The following MAP3K15 variants were observed in gnomAD, a reference collection of about 807,000 sequenced individuals.
MAP3K15 encodes MAPK/ERK kinase kinase 15.
In MAP3K15, 124 loss-of-function variants were observed where a neutral mutation model predicts 99.5. The ratio of observed to expected loss-of-function variants is 1.25; its 90% CI spans 1.08 to 1.45. The LOEUF (loss-of-function observed/expected upper bound fraction) is 1.45. Ranked by LOEUF, MAP3K15 falls within the 40% of genes most tolerant of loss-of-function variation. The pLI is 0.00. For missense variants in MAP3K15, 1,242 were observed against 1,079.7 expected, an observed-to-expected ratio of 1.15 and a Z score of -2.11; for synonymous variants, 494 against 439.6, an observed-to-expected ratio of 1.12 and a Z score of -1.55.
chrX:19,453,816 A>G (rs761979176), intron 6 of MAP3K15, among the ~76,000 whole-genome samples: 10 of 112,321 alleles, frequency 8.9e-5, no homozygotes, highest in African/African-American at 3.2e-4. Flanking sequence ...AACATGTCAT[A>G]AAGAATGCTA....
intron 3 of MAP3K15, among the ~76,000 whole-genome samples, chrX:19,475,068 TATTAC>T (rs1369510149): frequency 9.0e-6 from 1 of 110,548 alleles, no homozygotes; most frequent in Non-Finnish European, 1.9e-5. Context: ...TTTCTATTAT[TATTAC>T]ATTATAATAT....
Position 19,392,432 on chromosome X carries a change from T to G in MAP3K15, c.2236A>C (p.Lys746Gln). 7 of 1,210,984 alleles carry G rather than the reference T, an allele frequency of 5.8e-6. No individual in the cohort carries two copies. Among genetic ancestry groups the G allele is most frequent in the Non-Finnish European group, 7.8e-6 (7 of 894,953 alleles). The change falls in exon 17 of 29, where the codon AAG becomes CAG. Residue 746 changes from lysine to glutamine, a missense_variant. Lys to Gln is a moderately conservative substitution (Grantham distance 53). Transcript: ENST00000338883. ...GTGTAAAACTTGATTGTCGGTTCCT[T>G]CATCGGCCCCCATTTGGATCGCAGA... ...ALLRSKWGPM[K>Q]EPTIKFYTKQ...
chrX:19,414,025 G>T (rs1289424809), intron 10 of MAP3K15, among the ~76,000 whole-genome samples: 1 of 109,317 alleles, frequency 9.1e-6, no homozygotes, highest in Non-Finnish European at 1.9e-5. Flanking sequence ...GATGGGTGTG[G>T]TGGTATACAC....
At chrX:19,425,493 A>G (rs1896403547) in intron 9 of MAP3K15, 38 bp downstream of exon 9, 2 of 1,143,535 alleles carry the variant, frequency 1.7e-6, no homozygotes, top group Non-Finnish European at 2.3e-6. Flanking sequence ...AAGATCATGT[A>G]TTGAGATGGG....
chrX:19,490,331 G>A (rs1310198019), intron 1 of MAP3K15, among the ~76,000 whole-genome samples: 2 of 111,284 alleles, frequency 1.8e-5, no homozygotes, highest in African/African-American at 3.3e-5. Context: ...CAGTTCATAC[G>A]TTTTCGCTTC....
At chrX:19,450,690 C>T (rs2064030420) in intron 6 of MAP3K15, among the ~76,000 whole-genome samples, 1 of 108,495 alleles carries the variant, frequency 9.2e-6, no homozygotes, top group Non-Finnish European at 1.9e-5. Context: ...TCTACTGACA[C>T]ATAAATAAGT....
intron 25 of MAP3K15, among the ~76,000 whole-genome samples, chrX:19,367,531 T>TA (rs201378713): frequency 0.024 from 2,118 of 87,205 alleles, 29 homozygotes; most frequent in African/African-American, 0.14. Flanking sequence ...CTGGGTCTTT[T>TA]AAAAAAAGAA....
At chrX:19,487,133 G>T (rs191544846) in intron 2 of MAP3K15, among the ~76,000 whole-genome samples, 4 of 84,565 alleles carry the variant, frequency 4.7e-5, no homozygotes, top group South Asian at 8.6e-4. Flanking sequence ...TGGGGGTGGG[G>T]GGGGGGAAGG....
chrX:19,390,828 C>T (rs1252878656), intron 18 of MAP3K15, among the ~76,000 whole-genome samples: 3 of 109,893 alleles, frequency 2.7e-5, no homozygotes, highest in Non-Finnish European at 5.7e-5. Context: ...GCCACTATAC[C>T]AGGCCCCAGC....
intron 6 of MAP3K15, among the ~76,000 whole-genome samples, chrX:19,456,030 A>G (rs2064090423): frequency 9.0e-6 from 1 of 111,473 alleles, no homozygotes; most frequent in Non-Finnish European, 1.9e-5. Context: ...CTGGGTTTAA[A>G]GGCTGCTGGG....
intron 24 of MAP3K15, among the ~76,000 whole-genome samples, chrX:19,369,642 C>T (rs752770790): frequency 4.2e-4 from 46 of 110,595 alleles, no homozygotes; most frequent in Non-Finnish European, 7.2e-4. Context: ...CAGGTCCAGG[C>T]GCAGTGGCTC....
intron 9 of MAP3K15, among the ~76,000 whole-genome samples, 175 bp downstream of exon 9, chrX:19,425,356 G>C (rs181041650): frequency 8.9e-6 from 1 of 111,812 alleles, no homozygotes. Context: ...ATTCTGTGTG[G>C]ATCTGTCTTT....
intron 3 of MAP3K15, among the ~76,000 whole-genome samples, chrX:19,467,707 C>T (rs1602332837): frequency 8.0e-5 from 1 of 12,537 alleles, no homozygotes; most frequent in African/African-American, 1.0e-4. Context: ...GCAGAGGTTG[C>T]AGTGAAACCT....
intron 1 of MAP3K15, among the ~76,000 whole-genome samples, chrX:19,493,346 CAAAAAA>C (rs755083263): frequency 2.0e-5 from 1 of 49,197 alleles, no homozygotes; most frequent in African/African-American, 7.5e-5. Flanking sequence ...TACTGCTACT[CAAAAAA>C]AAAAAAAAAA....
Position 19,380,168 on chromosome X carries a change from G to T in MAP3K15, c.2541C>A (p.Ser847Arg). 8.3e-7 allele frequency: 1 copy of T among 1,203,198 alleles called. No individual in the cohort carries two copies. Among genetic ancestry groups the T allele is most frequent in the East Asian group, 3.0e-5 (1 of 33,534 alleles). The change falls in exon 19 of 29, where the codon AGC (serine) becomes AGA (arginine). Residue 847 changes from serine (S) to arginine (R), a missense_variant. Physicochemically the swap from Ser to Arg is moderately radical, Grantham distance 110. Coordinates refer to ENST00000338883, the MANE Select transcript of MAP3K15 (RefSeq NM_001001671.4). ...CACCAAGCTCATGGAACGGAGGCTT[G>T]CTGGTGGCCATCTCAATGATGGTGC... Reference protein sequence around the residue: ...LGCTIIEMATSKPPFHELGEP... With the variant: ...LGCTIIEMATRKPPFHELGEP...
intron 1 of MAP3K15, among the ~76,000 whole-genome samples, chrX:19,501,803 T>C (rs2064442513): frequency 8.9e-6 from 1 of 112,293 alleles, no homozygotes; most frequent in Non-Finnish European, 1.9e-5. Context: ...CGGTGCCTTA[T>C]GCCTGCAATC....
intron 1 of MAP3K15, among the ~76,000 whole-genome samples, chrX:19,510,972 A>T: frequency 1.8e-5 from 2 of 111,984 alleles, no homozygotes; most frequent in Non-Finnish European, 3.8e-5. Flanking sequence ...ATACCAAGGA[A>T]TATAGACCAG....
At chrX:19,391,666 C>A (rs1393522450) in intron 18 of MAP3K15, among the ~76,000 whole-genome samples, 18 of 84,632 alleles carry the variant, frequency 2.1e-4, no homozygotes, top group Non-Finnish European at 3.7e-4. Context: ...CAGAGTGAGA[C>A]CCCGTCTCAA....
chrX:19,453,899 G>A (rs770542696), intron 6 of MAP3K15, among the ~76,000 whole-genome samples: 3 of 111,419 alleles, frequency 2.7e-5, no homozygotes, highest in African/African-American at 6.5e-5. Context: ...AAGGAGGCTC[G>A]TGGCTACTGT....
Sources: allele counts gnomAD v4.1 joint callset (sites outside exome capture counted in the v4.1 genomes callset), GRCh38; gene constraint gnomAD v4.1.1; transcripts MANE v1.5; gene names NCBI Gene and HGNC (gene_info 2026-07-23, HGNC 2026-07-21).